Variants in ITGB8 observed in about 807,000 individuals in gnomAD.
ITGB8 encodes integrin subunit beta 8, also known as integrin beta-8.
ITGB8 carries 30 observed loss-of-function variants against 89.5 expected under a neutral mutation model. The observed-to-expected ratio is 0.34, with a 90% CI of 0.25 to 0.45. The LOEUF is 0.45. Ranked by LOEUF, ITGB8 falls within the 20% of genes least tolerant of loss-of-function variation. The pLI is 1.00. For synonymous variants in ITGB8, 335 were observed against 320.4 expected (o/e 1.05, Z -0.49); for missense variants, 836 against 933.3 (o/e 0.90, Z 1.36).
At chr7:20,366,087 C>T (rs1201444307) in intron 2 of ITGB8, 1 of 152,146 alleles carries the variant, frequency 6.6e-6, no homozygotes, top group Non-Finnish European at 1.5e-5. Context: ...TCCTTCTACA[C>T]TACATAAGTA....
At position 20,395,130 on chromosome 7, in the gene ITGB8, C is replaced by A. The variant is rs1015097076; in HGVS notation, c.1146+145C>A. ...TTAGGAATCTGAAGTTCATCCCTGG[C>A]CCTACCACTAACTAGCTTTTTGCTT... On this transcript the variant is annotated intron_variant, in intron 8 of 13. Transcript: ENST00000222573. 8.9e-6 allele frequency: 5 copies of A among 562,936 alleles called. No homozygotes were observed. In the African/African-American group the frequency reaches 9.3e-5, roughly 11 times the overall value. The allele number at this position is 562,936 out of a possible 1,614,324, so 34.9% of individuals were successfully genotyped here.
At chr7:20,384,494 A>G (rs1320643167) in intron 6 of ITGB8, among the ~76,000 whole-genome samples, 1 of 152,230 alleles carries the variant, frequency 6.6e-6, no homozygotes, top group Non-Finnish European at 1.5e-5. Context: ...CACTCTGCAT[A>G]CAGCATCAAA....
rs1787764418 is a variant in ITGB8, at chr7:20,411,595, A to G, written c.*1598A>G. 1 of 152,656 alleles carries G rather than the reference A, an allele frequency of 6.6e-6. No homozygotes were observed. Among genetic ancestry groups the G allele is most frequent in the Non-Finnish European group, 1.5e-5 (1 of 68,048 alleles). The allele number at this position is 152,656 out of a possible 1,614,324, so 9.5% of individuals were successfully genotyped here. On this transcript the variant is annotated 3_prime_UTR_variant, in exon 14 of 14. Coordinates refer to ENST00000222573, the MANE Select transcript of ITGB8 (RefSeq NM_002214.3). ...TTGTCAGGCCAGTGTTCATTGCACA[A>G]TATCATGCTACCTCTTGAATCTTTA...
chr7:20,336,456 A>G (rs924841452), intron 1 of ITGB8, among the ~76,000 whole-genome samples: 1 of 152,038 alleles, frequency 6.6e-6, no homozygotes, highest in East Asian at 1.9e-4. Flanking sequence ...ACCAAACTCC[A>G]TTTTCTTGTC....
intron 3 of ITGB8, 77 bp from the exon 4 acceptor site, chr7:20,378,974 T>A (rs1786264389): frequency 1.4e-5 from 17 of 1,183,046 alleles, no homozygotes; most frequent in Non-Finnish European, 2.0e-5. Context: ...GGTGCTAGAA[T>A]GTGACTAATT....
intron 6 of ITGB8, among the ~76,000 whole-genome samples, chr7:20,385,179 T>C (rs1274242295): frequency 6.6e-6 from 1 of 152,224 alleles, no homozygotes; most frequent in African/African-American, 2.4e-5. Flanking sequence ...AAGAATAGCA[T>C]GAAGGTCTTC....
At position 20,391,440 on chromosome 7, in the gene ITGB8, T is replaced by C. The variant is rs776525686; in HGVS notation, c.998T>C (p.Ile333Thr). ...CTAGGCCAACTTTCAGAGAAATTAA[T>C]AGACAACAACATTAATGTCATCTTT... Reference protein sequence around the residue: ...PSLGQLSEKLIDNNINVIFAV... With the variant: ...PSLGQLSEKLTDNNINVIFAV... Residue 333 changes from isoleucine (I) to threonine (T), a missense_variant, in exon 7 of 14, where the codon ATA (isoleucine) becomes ACA (threonine). This residue lies in a region of ITGB8 where 192 missense variants were observed against 267.1 expected (regional missense o/e 0.72). Coordinates refer to ENST00000222573, the MANE Select transcript of ITGB8 (RefSeq NM_002214.3). 7.5e-6 allele frequency: 12 copies of C among 1,604,576 alleles called. No individual in the cohort carries two copies. In the East Asian group the frequency reaches 2.3e-4, roughly 30 times the overall value.
In ITGB8 at chr7:20,353,802, C is replaced by T. The variant is rs959415484; in HGVS notation, c.128-9835C>T. On this transcript the variant is annotated intron_variant, in intron 1 of 13. Transcript: ENST00000222573. ...CAAAAATTAGCCAGGCGTGGTGGCG[C>T]GCGCCTGTAGTCCCAGCTACACGGG... 1.4e-4 allele frequency among the ~76,000 whole-genome samples: 21 copies of T among 149,638 alleles called. 1 individual carries two copies. Among genetic ancestry groups the T allele is most frequent in the South Asian group, 4.2e-4 (2 of 4,760 alleles).
chr7:20,339,785 T>TA (rs1025267791), intron 1 of ITGB8, among the ~76,000 whole-genome samples: 2 of 152,182 alleles, frequency 1.3e-5, no homozygotes, highest in African/African-American at 2.4e-5. Context: ...CTCAGCACTT[T>TA]GGGAGGCCAA....
chr7:20,339,493 C>G (rs1333990918), intron 1 of ITGB8, among the ~76,000 whole-genome samples: 1 of 152,030 alleles, frequency 6.6e-6, no homozygotes, highest in Non-Finnish European at 1.5e-5. Context: ...TTAAAACAGA[C>G]CCACCTTTTA....
At chr7:20,344,256 G>A (rs10280712) in intron 1 of ITGB8, among the ~76,000 whole-genome samples, 79,237 of 151,934 alleles carry the variant, frequency 0.52, 21,429 homozygotes, top group South Asian at 0.7. Context: ...GAACATTGCC[G>A]TCTTTTCTAA....
intron 1 of ITGB8, among the ~76,000 whole-genome samples, chr7:20,351,705 C>G (rs911232113): frequency 6.6e-6 from 1 of 152,304 alleles, no homozygotes; most frequent in East Asian, 1.9e-4. Context: ...TTGTTTTTTA[C>G]TTAGCACTAA....
chr7:20,331,179 G>C lies in ITGB8; in HGVS notation c.-628G>C, dbSNP rs1212117809. The C allele has an allele frequency of 5.8e-6, 1 of 172,964 alleles. No individual in the cohort carries two copies. The highest frequency in any genetic ancestry group is 2.4e-5 in the African/African-American group (1 of 42,492). 10.7% of individuals were successfully genotyped at this position (172,964 alleles called of 1,614,324 possible). On this transcript the variant is annotated 5_prime_UTR_variant, in exon 1 of 14. Coordinates refer to ENST00000222573, the MANE Select transcript of ITGB8 (RefSeq NM_002214.3). ...CCGAGCTTCCTCCCTTGCCAGCCAG[G>C]ACGCTGCCGACTTGTCTTTGCCCGC...
intron 1 of ITGB8, among the ~76,000 whole-genome samples, chr7:20,347,773 G>T (rs1302567462): frequency 6.6e-6 from 1 of 152,150 alleles, no homozygotes; most frequent in Non-Finnish European, 1.5e-5. Context: ...TACCAATTTG[G>T]TGGTCATGTT....
rs1787885340 is a variant in ITGB8 at position 20,415,079 on chromosome 7, TG to T, written c.*5083del. Reference sequence around the variant, plus strand: ...CTTTACATTTTCCTACAGATAAATGTGAAATTTTGATAAGAAGTCTACGCAA... The same window carrying T: ...CTTTACATTTTCCTACAGATAAATGTAAATTTTGATAAGAAGTCTACGCAA... On this transcript the variant is annotated 3_prime_UTR_variant, in exon 14 of 14. Coordinates refer to ENST00000222573, the MANE Select transcript of ITGB8 (RefSeq NM_002214.3). 1 of 152,576 alleles carries T rather than the reference TG, an allele frequency of 6.6e-6. No homozygotes were observed. The highest frequency in any genetic ancestry group is 1.5e-5 in the Non-Finnish European group (1 of 67,984). 9.5% of individuals were successfully genotyped at this position (152,576 alleles called of 1,614,324 possible).
At chr7:20,382,816 A>G (rs901653495) in intron 6 of ITGB8, among the ~76,000 whole-genome samples, 1 of 152,214 alleles carries the variant, frequency 6.6e-6, no homozygotes, top group Non-Finnish European at 1.5e-5. Flanking sequence ...AGAAATTTTC[A>G]AATCCTGAAA....
At chr7:20,339,494 C>T (rs1297127096) in intron 1 of ITGB8, among the ~76,000 whole-genome samples, 1 of 151,824 alleles carries the variant, frequency 6.6e-6, no homozygotes, top group Non-Finnish European at 1.5e-5. Context: ...TAAAACAGAC[C>T]CACCTTTTAA....
intron 1 of ITGB8, among the ~76,000 whole-genome samples, chr7:20,351,191 T>C (rs140503634): frequency 6.6e-6 from 1 of 152,378 alleles, no homozygotes; most frequent in African/African-American, 2.4e-5. Flanking sequence ...CTAGGGATTA[T>C]TGCTGAGTCA....
In ITGB8 at chr7:20,380,851, C is replaced by T. The variant is rs376407645; in HGVS notation, c.801+20C>T. The T allele has an allele frequency of 1.9e-6, 3 of 1,581,440 alleles. No homozygotes were observed. Among genetic ancestry groups the T allele is most frequent in the South Asian group, 1.1e-5 (1 of 87,126 alleles). On this transcript the variant is annotated intron_variant, in intron 5 of 13. Transcript: ENST00000222573. ...TGTGAAGTAAGACGTTTCACATGAT[C>T]GAGTGTTTGCTAAGATGCCAAACTT...
Sources: allele counts gnomAD v4.1 joint callset (sites outside exome capture counted in the v4.1 genomes callset), GRCh38; gene constraint gnomAD v4.1.1; regional missense constraint gnomAD v4.1.1; transcripts MANE v1.5; gene names NCBI Gene and HGNC (gene_info 2026-07-23, HGNC 2026-07-21).